The following NAALADL2 variants were observed in gnomAD, a reference collection of about 807,000 sequenced individuals.
The protein encoded by NAALADL2 is inactive N-acetylated-alpha-linked acidic dipeptidase-like protein 2.
NAALADL2 carries 76 observed loss-of-function variants against 87.2 expected under a neutral mutation model. The ratio of observed to expected loss-of-function variants is 0.87; its 90% CI spans 0.72 to 1.05. The LOEUF (loss-of-function observed/expected upper bound fraction) is 1.05. NAALADL2 is among the 50% of genes least tolerant of loss of function. The pLI is 0.00. For missense variants in NAALADL2, 1,089 were observed against 945.8 expected (o/e 1.15, Z -1.99); for synonymous variants, 354 against 331.0 (o/e 1.07, Z -0.75).
intron 2 of NAALADL2, among the ~76,000 whole-genome samples, chr3:174,726,805 G>T (rs1412722919): frequency 6.6e-6 from 1 of 151,886 alleles, no homozygotes; most frequent in African/African-American, 2.4e-5. Context: ...ACTTTTCCTG[G>T]CTGTGTTCAC....
At chr3:175,417,013 A>G (rs1364148197) in intron 5 of NAALADL2, among the ~76,000 whole-genome samples, 1 of 151,156 alleles carries the variant, frequency 6.6e-6, no homozygotes, top group East Asian at 1.9e-4. Flanking sequence ...GCACTAAGCA[A>G]TTGTTTATGA....
At chr3:174,458,248 T>C (rs1162903329) in intron 1 of NAALADL2, among the ~76,000 whole-genome samples, 2 of 152,204 alleles carry the variant, frequency 1.3e-5, no homozygotes, top group African/African-American at 4.8e-5. Flanking sequence ...CTACATTACA[T>C]TGAGTGTCTC....
chr3:175,380,194 TATA>T (rs1195674851), intron 5 of NAALADL2, among the ~76,000 whole-genome samples: 1 of 151,970 alleles, frequency 6.6e-6, no homozygotes, highest in East Asian at 1.9e-4. Flanking sequence ...AAACTTAAAG[TATA>T]ATAATAATAA....
chr3:174,946,491 A>G (rs1410517916), intron 1 of NAALADL2, among the ~76,000 whole-genome samples: 1 of 152,190 alleles, frequency 6.6e-6, no homozygotes. Flanking sequence ...TATCTCATAT[A>G]GGATTACTTT....
rs549129864 is a variant in NAALADL2 at position 175,001,878 on chromosome 3, A to G, written c.44-94912A>G. Among the ~76,000 whole-genome samples, 6 of 152,274 alleles carry G rather than the reference A, an allele frequency of 3.9e-5. 1 individual carries two copies. In the South Asian group the frequency reaches 1.2e-3, roughly 32 times the overall value. ...GAAAATTAAACACCTGCCCTCATGT[A>G]TTATGTTACAGTCAAAACACATGCC... On this transcript the variant is annotated intron_variant, in intron 1 of 13. Coordinates refer to ENST00000454872, the MANE Select transcript of NAALADL2 (RefSeq NM_207015.3).
intron 5 of NAALADL2, among the ~76,000 whole-genome samples, chr3:175,422,827 T>A (rs372221722): frequency 5.9e-5 from 9 of 151,962 alleles, no homozygotes; most frequent in Middle Eastern, 3.4e-3. Context: ...GTTGGCCACC[T>A]GTTTTTGCTA....
chr3:174,923,462 A>G (rs755741917), intron 1 of NAALADL2, among the ~76,000 whole-genome samples: 1 of 152,158 alleles, frequency 6.6e-6, no homozygotes, highest in Non-Finnish European at 1.5e-5. Context: ...AGAAGAAAAG[A>G]GAGAAATAGA....
At chr3:174,913,363 G>A (rs1733955079) in intron 1 of NAALADL2, among the ~76,000 whole-genome samples, 1 of 152,108 alleles carries the variant, frequency 6.6e-6, no homozygotes, top group East Asian at 1.9e-4. Flanking sequence ...TGCAAACAGG[G>A]CTTCAAGACA....
intron 2 of NAALADL2, among the ~76,000 whole-genome samples, chr3:174,565,370 T>C (rs1381814345): frequency 6.6e-6 from 1 of 152,090 alleles, no homozygotes; most frequent in African/African-American, 2.4e-5. Context: ...CACTGATTTT[T>C]TTACCGTCCA....
chr3:175,698,652 A>G (rs1270807026), intron 11 of NAALADL2, among the ~76,000 whole-genome samples: 1 of 151,322 alleles, frequency 6.6e-6, no homozygotes, highest in African/African-American at 2.4e-5. Context: ...GAATAGACAA[A>G]TTTAATAAAT....
intron 1 of NAALADL2, 30 bp from the exon 2 acceptor site, chr3:175,096,760 T>C: frequency 7.3e-7 from 1 of 1,364,390 alleles, no homozygotes; most frequent in Non-Finnish European, 9.7e-7. Context: ...GTGTTTATTT[T>C]ATTAAAATAT....
In NAALADL2 at chr3:174,822,159, A is replaced by AACACAC. The variant is rs60752709; in HGVS notation, c.-9+84419_-9+84424dup. Among the ~76,000 whole-genome samples, 462 of 148,610 alleles carry AACACAC rather than the reference A, an allele frequency of 3.1e-3. 2 individuals are homozygous for AACACAC. The highest frequency in any genetic ancestry group is 0.011 in the African/African-American group (439 of 40,272). On this transcript the variant is annotated intron_variant, in intron 3 of 3. Coordinates refer to the NAALADL2 transcript ENST00000434257. ...CACAGAAATAGTTCTCAGTGACACA[A>AACACAC]ACACACACACAGGGCGGAGGGAGAG...
chr3:175,294,118 G>T (rs1037718682), intron 4 of NAALADL2, among the ~76,000 whole-genome samples: 4 of 152,132 alleles, frequency 2.6e-5, no homozygotes, highest in Non-Finnish European at 5.9e-5. Context: ...ATTTGACGAG[G>T]ATTCTGCAGA....
chr3:174,971,665 CTGTGTGTGTGTG>C (rs10662918), intron 1 of NAALADL2, among the ~76,000 whole-genome samples: 45 of 144,724 alleles, frequency 3.1e-4, no homozygotes, highest in African/African-American at 1.2e-3. Context: ...GTATGCTAGA[CTGTGTGTGTGTG>C]TGTGTGTGTG....
At chr3:175,108,004 G>A (rs1723519713) in intron 2 of NAALADL2, among the ~76,000 whole-genome samples, 1 of 151,756 alleles carries the variant, frequency 6.6e-6, no homozygotes, top group Non-Finnish European at 1.5e-5. Context: ...TATAACTGGA[G>A]AAAATATATT....
chr3:175,053,375 C>T (rs2109031155), intron 1 of NAALADL2, among the ~76,000 whole-genome samples: 1 of 152,270 alleles, frequency 6.6e-6, no homozygotes, highest in Middle Eastern at 3.4e-3. Context: ...TTTCTTCCGC[C>T]ATCTGTGACA....
chr3:174,496,692 CA>C (rs1472914456), intron 1 of NAALADL2, among the ~76,000 whole-genome samples: 1 of 151,656 alleles, frequency 6.6e-6, no homozygotes, highest in African/African-American at 2.4e-5. Context: ...ATGAGATGAC[CA>C]ACAGCTTATT....
intron 3 of NAALADL2, among the ~76,000 whole-genome samples, chr3:174,826,393 A>C (rs1722000041): frequency 6.6e-6 from 1 of 152,184 alleles, no homozygotes; most frequent in African/African-American, 2.4e-5. Flanking sequence ...TTGCATGTGT[A>C]TCATCTGTAA....
At chr3:175,513,246 C>T (rs141893779) in intron 9 of NAALADL2, among the ~76,000 whole-genome samples, 11 of 152,184 alleles carry the variant, frequency 7.2e-5, no homozygotes, top group Admixed American at 1.3e-4. Context: ...AAAAGAAAAA[C>T]GGTCTAGACC....
Sources: allele counts gnomAD v4.1 joint callset (sites outside exome capture counted in the v4.1 genomes callset), GRCh38; gene constraint gnomAD v4.1.1; transcripts MANE v1.5; gene names NCBI Gene and HGNC (gene_info 2026-07-23, HGNC 2026-07-21).